The following TMEM131L variants were observed in gnomAD, a reference collection of about 807,000 sequenced individuals.
TMEM131L encodes the protein transmembrane 131 like, also known as transmembrane protein 131-like.
A neutral mutation model predicts 192.2 loss-of-function variants in TMEM131L; 54 were observed. That is an observed-to-expected ratio of 0.28 (90% confidence interval 0.23 to 0.35). TMEM131L has a LOEUF of 0.35. Ranked by LOEUF, TMEM131L falls within the 10% of genes least tolerant of loss-of-function variation. The pLI, the probability that TMEM131L is intolerant of heterozygous loss-of-function variation, is 1.00. For missense variants in TMEM131L, 1,888 were observed against 1,972.9 expected, an observed-to-expected ratio of 0.96 and a Z score of 0.82; for synonymous variants, 701 against 704.9, an observed-to-expected ratio of 0.99 and a Z score of 0.09.
intron 1 of TMEM131L, among the ~76,000 whole-genome samples, chr4:153,466,961 T>G (rs553876798): frequency 6.6e-6 from 1 of 151,856 alleles, no homozygotes; most frequent in Admixed American, 6.6e-5. Flanking sequence ...TCCCACTTCG[T>G]CCCCCCACCC....
At chr4:153,521,563 T>G (rs1735113244) in intron 3 of TMEM131L, among the ~76,000 whole-genome samples, 1 of 152,198 alleles carries the variant, frequency 6.6e-6, no homozygotes, top group South Asian at 2.1e-4. Context: ...CATTTTTAAG[T>G]GTACAGTTGA....
intron 9 of TMEM131L, among the ~76,000 whole-genome samples, chr4:153,582,294 G>T (rs1207917779): frequency 6.6e-6 from 1 of 151,894 alleles, no homozygotes; most frequent in Non-Finnish European, 1.5e-5. Flanking sequence ...GCCCAGGTGG[G>T]AGCACAGAGA....
chr4:153,588,042 T>G (rs1455034049), intron 15 of TMEM131L, among the ~76,000 whole-genome samples: 1 of 86,610 alleles, frequency 1.2e-5, no homozygotes, highest in African/African-American at 1.1e-4. Flanking sequence ...TCCGCAAGGG[T>G]TTTTTTTTTT....
intron 7 of TMEM131L, among the ~76,000 whole-genome samples, chr4:153,578,783 G>A (rs1730138883): frequency 6.6e-6 from 1 of 151,892 alleles, no homozygotes; most frequent in South Asian, 2.1e-4. Context: ...GCCTCCCAAA[G>A]TGCTGAGATT....
chr4:153,478,314 G>A (rs967232217), intron 3 of TMEM131L, among the ~76,000 whole-genome samples: 6 of 152,140 alleles, frequency 3.9e-5, no homozygotes, highest in Admixed American at 2.6e-4. Context: ...AGTCACCTAC[G>A]TACTTACTAT....
chr4:153,598,513 G>T, intron 20 of TMEM131L, 77 bp from the exon 21 acceptor site: 1 of 1,199,026 alleles, frequency 8.3e-7, no homozygotes, highest in Non-Finnish European at 1.2e-6. Context: ...TTGATAACTG[G>T]GAATATTTAA....
At chr4:153,471,044 A>G (rs534981518) in intron 2 of TMEM131L, among the ~76,000 whole-genome samples, 2 of 151,040 alleles carry the variant, frequency 1.3e-5, no homozygotes, top group African/African-American at 2.4e-5. Context: ...CTGGAGTGCA[A>G]TGATGTAATT....
chr4:153,548,393 G>A lies in TMEM131L; in HGVS notation c.240-1680G>A, dbSNP rs905913889. Reference sequence around the variant, plus strand: ...GATCTTGGCTCACTGCAAGCTCTGCGTCCCGGGTTCATGCTATTCTCCTGC... The same window carrying A: ...GATCTTGGCTCACTGCAAGCTCTGCATCCCGGGTTCATGCTATTCTCCTGC... On this transcript the variant is annotated intron_variant, in intron 3 of 34. Transcript: ENST00000409959. 5.6e-4 allele frequency among the ~76,000 whole-genome samples: 85 copies of A among 152,044 alleles called. 4 individuals are homozygous for A.
At chr4:153,508,563 C>T (rs1734138115) in intron 3 of TMEM131L, among the ~76,000 whole-genome samples, 2 of 152,154 alleles carry the variant, frequency 1.3e-5, no homozygotes, top group African/African-American at 4.8e-5. Context: ...CCTTTATTCT[C>T]ACATCTGTAT....
intron 7 of TMEM131L, among the ~76,000 whole-genome samples, chr4:153,561,138 A>G (rs1374426692): frequency 6.6e-6 from 1 of 152,226 alleles, no homozygotes; most frequent in Non-Finnish European, 1.5e-5. Context: ...ATGACTAATG[A>G]CATGGAGCAT....
chr4:153,625,460 A>G (rs1193804813), intron 29 of TMEM131L, among the ~76,000 whole-genome samples: 1 of 152,156 alleles, frequency 6.6e-6, no homozygotes, highest in African/African-American at 2.4e-5. Flanking sequence ...AAAGGCTAAC[A>G]TTAGTAGAAT....
chr4:153,609,119 G>A (rs1238160220), intron 25 of TMEM131L, among the ~76,000 whole-genome samples: 2 of 152,166 alleles, frequency 1.3e-5, no homozygotes, highest in African/African-American at 4.8e-5. Flanking sequence ...GTTTTTCACT[G>A]CCATAAAGAA....
At chr4:153,581,367 GA>G (rs779145440) in intron 8 of TMEM131L, 39 bp from the exon 9 acceptor site, 10 of 1,454,508 alleles carry the variant, frequency 6.9e-6, no homozygotes, top group Non-Finnish European at 8.2e-6. Flanking sequence ...AAGTTGAGAT[GA>G]TTTTTTTTTT....
chr4:153,525,906 G>C (rs1208725270), intron 3 of TMEM131L, among the ~76,000 whole-genome samples: 1 of 151,826 alleles, frequency 6.6e-6, no homozygotes, highest in South Asian at 2.1e-4. Context: ...CGCCAGGCTA[G>C]AGTGAGTTGG....
chr4:153,579,238 G>C (rs1211556932), intron 7 of TMEM131L, among the ~76,000 whole-genome samples: 2 of 152,002 alleles, frequency 1.3e-5, no homozygotes, highest in Non-Finnish European at 2.9e-5. Flanking sequence ...GTGTGTGCCT[G>C]TAGTCCCAGC....
chr4:153,631,400 C>T (rs1734197992), intron 31 of TMEM131L, among the ~76,000 whole-genome samples: 1 of 152,182 alleles, frequency 6.6e-6, no homozygotes, highest in Admixed American at 6.5e-5. Flanking sequence ...CATGAGTTCC[C>T]CTGAGCCCCA....
chr4:153,606,842 C>A (rs1199860817), intron 25 of TMEM131L, among the ~76,000 whole-genome samples: 1 of 152,130 alleles, frequency 6.6e-6, no homozygotes, highest in Non-Finnish European at 1.5e-5. Context: ...TGCTTTCCAC[C>A]ATGTTCAGAC....
intron 3 of TMEM131L, among the ~76,000 whole-genome samples, chr4:153,518,781 G>C (rs1194888880): frequency 2.0e-5 from 3 of 152,072 alleles, no homozygotes; most frequent in Admixed American, 6.5e-5. Context: ...TTTCTCCTTC[G>C]GTGATATCGA....
Position 153,583,604 on chromosome 4 carries a change from A to G in TMEM131L, c.992A>G (p.Gln331Arg), listed in dbSNP as rs777175655. The change falls in exon 11 of 35, where the codon CAG becomes CGG. Residue 331 changes from glutamine to arginine, a missense_variant. By Grantham distance (43) the Gln-to-Arg change is conservative. Transcript: ENST00000409959. ...HFSQRDALSLQFEPVLLPTST... is the reference protein window; with the variant it reads ...HFSQRDALSLRFEPVLLPTST... ...TCACAGAGAGATGCTCTGTCTCTGC[A>G]GTTTGAACCAGTACTACTACCTACT... 1.2e-6 allele frequency: 2 copies of G among 1,612,166 alleles called. No homozygotes were observed. Among genetic ancestry groups the G allele is most frequent in the South Asian group, 2.2e-5 (2 of 90,494 alleles).
Sources: gnomAD v4.1 joint callset for allele counts (sites outside exome capture counted in the v4.1 genomes callset) on GRCh38, gnomAD v4.1.1 for gene constraint, MANE v1.5 for transcripts, NCBI Gene and HGNC (gene_info 2026-07-23, HGNC 2026-07-21) for gene names.